RORA: variants seen among roughly 807,000 people sequenced by gnomAD.
RORA encodes the protein RAR related orphan receptor A, also known as nuclear receptor ROR-alpha.
In RORA, 7 loss-of-function variants were observed where a neutral mutation model predicts 69.5. That is an observed-to-expected ratio of 0.10 (90% CI 0.06 to 0.19). RORA has a LOEUF of 0.19. RORA is among the 10% of genes least tolerant of loss of function. RORA has a pLI of 1.00. For synonymous variants in RORA, 261 were observed against 240.8 expected, an observed-to-expected ratio of 1.08 and a Z score of -0.78; for missense variants, 457 against 663.0, an observed-to-expected ratio of 0.69 and a Z score of 3.41.
chr15:60,572,578 A>G (rs1037766004), intron 2 of RORA, among the ~76,000 whole-genome samples: 1 of 152,232 alleles, frequency 6.6e-6, no homozygotes, highest in African/African-American at 2.4e-5. Flanking sequence ...CATAATATAG[A>G]TAACAAAACT....
intron 3 of RORA, chr15:60,528,347 G>A (rs1595917498): frequency 1.3e-5 from 2 of 152,268 alleles, no homozygotes. Flanking sequence ...CTACAGGTGT[G>A]AGCCACTGTG....
At chr15:61,060,613 T>TGA (rs1282643691) in intron 1 of RORA, among the ~76,000 whole-genome samples, 2 of 151,980 alleles carry the variant, frequency 1.3e-5, no homozygotes, top group Non-Finnish European at 2.9e-5. Flanking sequence ...CTCACTGGGG[T>TGA]GAGGTTCTAG....
chr15:61,025,546 G>A (rs74992422), intron 1 of RORA, among the ~76,000 whole-genome samples: 8,116 of 152,226 alleles, frequency 0.053, 303 homozygotes, highest in East Asian at 0.15. Flanking sequence ...CAGTCTTTGT[G>A]ACTAAGGATA....
intron 1 of RORA, among the ~76,000 whole-genome samples, chr15:61,079,119 T>C (rs2078499083): frequency 6.6e-6 from 1 of 151,608 alleles, no homozygotes; most frequent in Non-Finnish European, 1.5e-5. Context: ...ACCATCCTCC[T>C]CCTAATTTCC....
At chr15:61,229,011 G>A in intron 1 of RORA, 42 bp downstream of exon 1, 1 of 1,198,528 alleles carries the variant, frequency 8.3e-7, no homozygotes. Flanking sequence ...TCCGCGCCCG[G>A]GCTCCCGCCG....
At chr15:60,724,105 T>G (rs1437587126) in intron 1 of RORA, among the ~76,000 whole-genome samples, 1 of 152,232 alleles carries the variant, frequency 6.6e-6, no homozygotes, top group African/African-American at 2.4e-5. Context: ...CCCGGATTTA[T>G]TCATGAATTT....
At chr15:60,704,894 T>C (rs1390976109) in intron 1 of RORA, among the ~76,000 whole-genome samples, 1 of 152,200 alleles carries the variant, frequency 6.6e-6, no homozygotes, top group Non-Finnish European at 1.5e-5. Flanking sequence ...CGACATCACA[T>C]TGCTCCCCAC....
intron 1 of RORA, among the ~76,000 whole-genome samples, chr15:60,713,398 C>T (rs2071171658): frequency 6.6e-6 from 1 of 152,162 alleles, no homozygotes; most frequent in African/African-American, 2.4e-5. Flanking sequence ...ATGTTTAATT[C>T]TGTACTTAAA....
At chr15:60,796,590 C>T (rs573209615) in intron 1 of RORA, among the ~76,000 whole-genome samples, 2 of 151,968 alleles carry the variant, frequency 1.3e-5, no homozygotes, top group African/African-American at 2.4e-5. Flanking sequence ...TGGAATATAA[C>T]GTTGTCACTA....
intron 1 of RORA, among the ~76,000 whole-genome samples, chr15:60,754,089 G>A (rs964706069): frequency 1.3e-5 from 2 of 152,202 alleles, no homozygotes; most frequent in Admixed American, 6.5e-5. Context: ...GGCCTCAATA[G>A]AATTATGGTT....
chr15:61,020,432 C>T (rs531524024), intron 1 of RORA, among the ~76,000 whole-genome samples: 6 of 152,314 alleles, frequency 3.9e-5, no homozygotes, highest in East Asian at 3.9e-4. Flanking sequence ...GCTGCTTCTT[C>T]GCAAACAGAC....
At chr15:60,882,058 T>G (rs2073686574) in intron 1 of RORA, among the ~76,000 whole-genome samples, 1 of 152,208 alleles carries the variant, frequency 6.6e-6, no homozygotes, top group East Asian at 1.9e-4. Context: ...ATGCTGCCCG[T>G]GCTAGTTAAC....
At chr15:61,067,644 A>G (rs1017943822) in intron 1 of RORA, among the ~76,000 whole-genome samples, 8 of 152,226 alleles carry the variant, frequency 5.3e-5, no homozygotes, top group African/African-American at 1.9e-4. Context: ...TGAAATGCCC[A>G]AGACCAGACA....
rs537033005 is a variant in RORA at position 60,803,673 on chromosome 15, G to GAATT, written c.167-124991_167-124988dup. On this transcript the variant is annotated intron_variant, in intron 1 of 10. Transcript: ENST00000335670. ...GGCCTCAGTTTCCCTAGCAGTAAAA[G>GAATT]AATTCTAAGATCTTCCTTCTCTGGC... is the stretch of plus-strand genomic sequence containing the variant. Among the ~76,000 whole-genome samples the GAATT allele has an allele frequency of 5.0e-3, 764 of 152,272 alleles. 7 individuals are homozygous for GAATT. Among genetic ancestry groups the GAATT allele is most frequent in the Middle Eastern group, 0.01 (3 of 294 alleles).
rs149477761 is a variant in RORA at position 60,796,509 on chromosome 15, G to A, written c.167-117823C>T. Among the ~76,000 whole-genome samples, 173 of 136,014 alleles carry A rather than the reference G, an allele frequency of 1.3e-3. No individual in the cohort carries two copies. In the East Asian group the frequency reaches 0.025, roughly 20 times the overall value. The allele number at this position is 136,014 out of a possible 152,430, so 89.2% of individuals were successfully genotyped here. On this transcript the variant is annotated intron_variant, in intron 1 of 10. Coordinates refer to ENST00000335670, the MANE Select transcript of RORA (RefSeq NM_134261.3). ...CCACTAGGATGGCTATCCACCCCCC[G>A]CCAAAAAAAAAAAGAAATAAAATAA...
At chr15:61,074,691 A>T (rs1047042575) in intron 1 of RORA, among the ~76,000 whole-genome samples, 1 of 152,194 alleles carries the variant, frequency 6.6e-6, no homozygotes, top group Non-Finnish European at 1.5e-5. Flanking sequence ...ACTCCTGGGA[A>T]TATTTCTCAA....
rs547386519 is a variant in RORA, at chr15:60,924,938, G to C, written c.167-246252C>G. 1.9e-3 allele frequency among the ~76,000 whole-genome samples: 294 copies of C among 152,096 alleles called. 2 individuals are homozygous for C. The highest frequency in any genetic ancestry group is 3.3e-3 in the Non-Finnish European group (223 of 67,988). On this transcript the variant is annotated intron_variant, in intron 1 of 10. Transcript: ENST00000335670. ...TACTAAAAATACAAAAATTAGCTGTGCGTGGTGGCACATGCCTGTAGTTCC... is the reference window on the plus strand; with the variant it reads ...TACTAAAAATACAAAAATTAGCTGTCCGTGGTGGCACATGCCTGTAGTTCC...
chr15:60,811,753 G>A (rs544341881), intron 1 of RORA, among the ~76,000 whole-genome samples: 16 of 152,162 alleles, frequency 1.1e-4, no homozygotes, highest in African/African-American at 2.9e-4. Context: ...CTGCAGAACC[G>A]GTCCTGCCCA....
At chr15:60,897,898 C>G (rs1013051182) in intron 1 of RORA, among the ~76,000 whole-genome samples, 1 of 152,114 alleles carries the variant, frequency 6.6e-6, no homozygotes, top group African/African-American at 2.4e-5. Context: ...GAGGATGACC[C>G]CTGTGAAAAG....
Sources: allele counts gnomAD v4.1 joint callset (sites outside exome capture counted in the v4.1 genomes callset), GRCh38; gene constraint gnomAD v4.1.1; transcripts MANE v1.5; gene names NCBI Gene and HGNC (gene_info 2026-07-23, HGNC 2026-07-21).